KRTAP13-2: variants seen among roughly 807,000 people sequenced by gnomAD.
The protein encoded by KRTAP13-2 is keratin-associated protein 13-2.
For synonymous variants in KRTAP13-2, 92 were observed against 87.4 expected, an observed-to-expected ratio of 1.05 and a Z score of -0.30; for missense variants, 231 against 212.4, an observed-to-expected ratio of 1.09 and a Z score of -0.55.
In KRTAP13-2 at chr21:30,372,000, C is replaced by T. The variant is rs1982916444; in HGVS notation, c.214G>A (p.Glu72Lys). The change falls in exon 1 of 1, where the codon GAG (glutamate) becomes AAG (lysine). Residue 72 changes from glutamate (E) to lysine (K), a missense_variant. Coordinates refer to ENST00000399889, the MANE Select transcript of KRTAP13-2 (RefSeq NM_181621.4). Reference sequence around the variant, plus strand: ...CAGGAGGTCTGGCAGGGGCTGGACTCCACATAGGACGTCTGGCAGCTGGTG... The same window carrying T: ...CAGGAGGTCTGGCAGGGGCTGGACTTCACATAGGACGTCTGGCAGCTGGTG... Reference protein sequence around the residue: ...EPTSCQTSYVESSPCQTSCYR... With the variant: ...EPTSCQTSYVKSSPCQTSCYR... 6.2e-7 allele frequency: 1 copy of T among 1,613,862 alleles called. No homozygotes were observed. Among genetic ancestry groups the T allele is most frequent in the Non-Finnish European group, 8.5e-7 (1 of 1,179,926 alleles).
Position 30,372,049 on chromosome 21 carries a change from G to T in KRTAP13-2, c.165C>A (p.Gly55=), listed in dbSNP as rs778288236. 1 of 1,614,074 alleles carries T rather than the reference G, an allele frequency of 6.2e-7. No homozygotes were observed. Among genetic ancestry groups the T allele is most frequent in the Non-Finnish European group, 8.5e-7 (1 of 1,180,038 alleles). ...TGGGCTCCCAGCAGATCTCCTGACA[G>T]CCCCTATAGAGAGAGGAACCCAGCT... The part of the protein sequence containing the change: ...TCQLGSSLYR[G]CQEICWEPTS... Residue 55 remains glycine (G), a synonymous_variant, in exon 1 of 1, where the codon GGC becomes GGA. Coordinates refer to ENST00000399889, the MANE Select transcript of KRTAP13-2 (RefSeq NM_181621.4).
In KRTAP13-2 at chr21:30,371,710, T is replaced by C. The variant is rs758326589; in HGVS notation, c.504A>G (p.Ser168=). The change falls in exon 1 of 1, where the codon TCA becomes TCG. Residue 168 remains serine, a synonymous_variant. Coordinates refer to ENST00000399889, the MANE Select transcript of KRTAP13-2 (RefSeq NM_181621.4). ...QSPCYRPAYG[S]TFCRSTC is the part of the protein sequence containing the mutation. Reference sequence around the variant, plus strand: ...TTCAGCAAGTTGATCTGCAGAAGGTTGATCCATAGGCTGGTCTGTAACAAG... The same window carrying C: ...TTCAGCAAGTTGATCTGCAGAAGGTCGATCCATAGGCTGGTCTGTAACAAG... 1.5e-5 allele frequency: 24 copies of C among 1,614,022 alleles called. 1 individual carries two copies. In the South Asian group the frequency reaches 2.6e-4, roughly 18 times the overall value.
Position 30,371,872 on chromosome 21 carries a change from C to T in KRTAP13-2, c.342G>A (p.Ser114=), listed in dbSNP as rs143178819. 1.3e-4 allele frequency: 215 copies of T among 1,614,142 alleles called. No individual in the cohort carries two copies. Among genetic ancestry groups the T allele is most frequent in the Admixed American group, 6.3e-4 (38 of 60,018 alleles). ...CACAGCCCACTGAGTAGCAGCTCCT[C>T]GATCCATAGCCCAGGGAGCGGCAGC... is the stretch of plus-strand genomic sequence containing the variant. ...SSSCRSLGYG[S]RSCYSVGCGS... The change falls in exon 1 of 1, where the codon TCG becomes TCA. Residue 114 remains serine, a synonymous_variant. Coordinates refer to ENST00000399889, the MANE Select transcript of KRTAP13-2 (RefSeq NM_181621.4).
chr21:30,372,017 C>CA, the KRTAP13-2 span: 2 of 1,614,040 alleles, frequency 1.2e-6, no homozygotes, highest in Non-Finnish European at 1.7e-6. Flanking sequence ...GGACGTCTGG[C>CA]AGCTGGTGGG....
chr21:30,371,554 TCCAG>T lies in KRTAP13-2; in HGVS notation c.*128_*131del, dbSNP rs1486749711. ...TTCACAGTCTGAAAGAACTAGCCTG[TCCAG>T]CCAGTACTTGATGCCAGAGAAAGGA... On this transcript the variant is annotated 3_prime_UTR_variant, in exon 1 of 1. Transcript: ENST00000399889. The T allele has an allele frequency of 1.2e-6, 1 of 858,784 alleles. No homozygotes were observed. The highest frequency in any genetic ancestry group is 1.7e-5 in the African/African-American group (1 of 58,936). The allele number at this position is 858,784 out of a possible 1,614,324, so 53.2% of individuals were successfully genotyped here. A position where few individuals can be genotyped will look rare whatever the true frequency, so the allele number is the denominator to read the frequency against.
In KRTAP13-2 at chr21:30,372,220, G is replaced by A. The variant is rs758839936; in HGVS notation, c.-7C>T. On this transcript the variant is annotated 5_prime_UTR_variant, in exon 1 of 1. Coordinates refer to ENST00000399889, the MANE Select transcript of KRTAP13-2 (RefSeq NM_181621.4). ...AGCAGCAGTTGTAGGACATGTTGAC[G>A]GGAGATGTGAGTTCAGCTGAGTTAT... The A allele has an allele frequency of 1.6e-5, 26 of 1,606,898 alleles. No homozygotes were observed. The highest frequency in any genetic ancestry group is 2.2e-5 in the East Asian group (1 of 44,776).
Position 30,371,631 on chromosome 21 carries a change from T to C in KRTAP13-2, c.*55A>G. The C allele has an allele frequency of 6.5e-7, 1 of 1,531,910 alleles. No homozygotes were observed. Among genetic ancestry groups the C allele is most frequent in the Non-Finnish European group, 8.9e-7 (1 of 1,128,982 alleles). 94.9% of individuals were successfully genotyped at this position (1,531,910 alleles called of 1,614,324 possible). A position where few individuals can be genotyped will look rare whatever the true frequency, so the allele number is the denominator to read the frequency against. ...GTTAGCTCACATTGCTGGAAATGCCTATGATAACAGCTCTACGTAGAGACT... is the reference window on the plus strand; with the variant it reads ...GTTAGCTCACATTGCTGGAAATGCCCATGATAACAGCTCTACGTAGAGACT... On this transcript the variant is annotated 3_prime_UTR_variant, in exon 1 of 1. Transcript: ENST00000399889.
rs769364785 is a variant in KRTAP13-2, at chr21:30,371,610, G to A, written c.*76C>T. On this transcript the variant is annotated 3_prime_UTR_variant, in exon 1 of 1. Coordinates refer to ENST00000399889, the MANE Select transcript of KRTAP13-2 (RefSeq NM_181621.4). ...GAAGAGCTAGTAGTAAGAGGGGTTA[G>A]CTCACATTGCTGGAAATGCCTATGA... The A allele has an allele frequency of 3.2e-4, 443 of 1,399,686 alleles. No individual in the cohort carries two copies. The highest frequency in any genetic ancestry group is 7.3e-4 in the South Asian group (55 of 74,862). The allele number at this position is 1,399,686 out of a possible 1,614,324, so 86.7% of individuals were successfully genotyped here.
chr21:30,372,012 T>C lies in KRTAP13-2; in HGVS notation c.202A>G (p.Thr68Ala). 1 of 1,613,998 alleles carries C rather than the reference T, an allele frequency of 6.2e-7. No individual in the cohort carries two copies. The highest frequency in any genetic ancestry group is 8.5e-7 in the Non-Finnish European group (1 of 1,179,906). The part of the protein sequence containing the change: ...EICWEPTSCQ[T>A]SYVESSPCQT... ...CAGGGGCTGGACTCCACATAGGACG[T>C]CTGGCAGCTGGTGGGCTCCCAGCAG... The change falls in exon 1 of 1, where the codon ACG becomes GCG. Residue 68 changes from threonine to alanine, a missense_variant. Thr to Ala is a moderately conservative substitution (Grantham distance 58, BLOSUM62 0). Transcript: ENST00000399889.
rs146681464 is a variant in KRTAP13-2 at position 30,371,522 on chromosome 21, C to G, written c.*164G>C. On this transcript the variant is annotated 3_prime_UTR_variant, in exon 1 of 1. Transcript: ENST00000399889. ...CATTTGACTCTATATTTTGCTCATT[C>G]ATTAATTTCACAGTCTGAAAGAACT... 2.3e-5 allele frequency: 15 copies of G among 655,080 alleles called. No homozygotes were observed. Among genetic ancestry groups the G allele is most frequent in the Admixed American group, 1.2e-4 (4 of 33,238 alleles). The allele number at this position is 655,080 out of a possible 1,614,324, so 40.6% of individuals were successfully genotyped here. A position where few individuals can be genotyped will look rare whatever the true frequency, so the allele number is the denominator to read the frequency against.
chr21:30,372,225 A>G lies in KRTAP13-2; in HGVS notation c.-12T>C, dbSNP rs1026651105. On this transcript the variant is annotated 5_prime_UTR_variant, in exon 1 of 1. Transcript: ENST00000399889. ...CAGTTGTAGGACATGTTGACGGGAG[A>G]TGTGAGTTCAGCTGAGTTATAGTGG... 2.5e-6 allele frequency: 4 copies of G among 1,604,644 alleles called. No homozygotes were observed. Among genetic ancestry groups the G allele is most frequent in the Admixed American group, 3.4e-5 (2 of 59,512 alleles).
At position 30,372,238 on chromosome 21, in the gene KRTAP13-2, T is replaced by C. The variant is rs1437779689; in HGVS notation, c.-25A>G. 1.9e-6 allele frequency: 3 copies of C among 1,590,718 alleles called. No individual in the cohort carries two copies. In the Admixed American group the frequency reaches 5.1e-5, roughly 27 times the overall value. ...TGTTGACGGGAGATGTGAGTTCAGC[T>C]GAGTTATAGTGGAAAGATTCTCTGA... On this transcript the variant is annotated 5_prime_UTR_variant, in exon 1 of 1. Coordinates refer to ENST00000399889, the MANE Select transcript of KRTAP13-2 (RefSeq NM_181621.4).
Position 30,371,788 on chromosome 21 carries a change from A to G in KRTAP13-2, c.426T>C (p.Tyr142=), listed in dbSNP as rs781040187. 1 of 1,614,098 alleles carries G rather than the reference A, an allele frequency of 6.2e-7. No homozygotes were observed. The highest frequency in any genetic ancestry group is 2.2e-5 in the East Asian group (1 of 44,864). The change falls in exon 1 of 1, where the codon TAT becomes TAC. Residue 142 remains tyrosine (Y), a synonymous_variant. Transcript: ENST00000399889. ...AGGTTGGGCGGCAGAATCCAGATCC[A>G]TAGCCGAGGGAAGGGAAGCCACAGC... ...YGSCGFPSLG[Y]GSGFCRPTYL...
In KRTAP13-2 at chr21:30,372,162, A is replaced by T; in HGVS notation, c.52T>A (p.Tyr18Asn). Residue 18 changes from tyrosine to asparagine, a missense_variant, in exon 1 of 1, where the codon TAC becomes AAC. Coordinates refer to ENST00000399889, the MANE Select transcript of KRTAP13-2 (RefSeq NM_181621.4). ...CGTGAGGATGCTGGGTAGCGCAGGT[A>T]GTCACCACAGGAGCGGGAGGAGAAG... Reference protein sequence around the residue: ...GNFSSRSCGDYLRYPASSRGF... With the variant: ...GNFSSRSCGDNLRYPASSRGF... 1 of 1,614,158 alleles carries T rather than the reference A, an allele frequency of 6.2e-7. No homozygotes were observed. The highest frequency in any genetic ancestry group is 1.3e-5 in the African/African-American group (1 of 75,052).
rs199899277 is a variant in KRTAP13-2, at chr21:30,371,892, G to T, written c.322C>A (p.Arg108Ser). ...GSLGFGSSSC[R>S]SLGYGSRSCY... ...CTCCTCGATCCATAGCCCAGGGAGCGGCAGCTGCTGGATCCAAAGCCTAGA... is the reference window on the plus strand; with the variant it reads ...CTCCTCGATCCATAGCCCAGGGAGCTGCAGCTGCTGGATCCAAAGCCTAGA... Residue 108 changes from arginine to serine, a missense_variant, in exon 1 of 1, where the codon CGC becomes AGC. Arg to Ser is a moderately radical substitution (Grantham distance 110). Coordinates refer to ENST00000399889, the MANE Select transcript of KRTAP13-2 (RefSeq NM_181621.4). The T allele has an allele frequency of 1.9e-6, 3 of 1,614,058 alleles. No homozygotes were observed. Among genetic ancestry groups the T allele is most frequent in the Non-Finnish European group, 1.7e-6 (2 of 1,180,042 alleles).
At position 30,371,446 on chromosome 21, in the gene KRTAP13-2, T is replaced by A; in HGVS notation, c.*240A>T. On this transcript the variant is annotated 3_prime_UTR_variant, in exon 1 of 1. Transcript: ENST00000399889. Reference sequence around the variant, plus strand: ...GAAACAAAACTGAACTTCCATATACTTTATAAGATGAACTTACGTGATAAC... The same window carrying A: ...GAAACAAAACTGAACTTCCATATACATTATAAGATGAACTTACGTGATAAC... 1 of 490,720 alleles carries A rather than the reference T, an allele frequency of 2.0e-6. No homozygotes were observed. Among genetic ancestry groups the A allele is most frequent in the Non-Finnish European group, 3.6e-6 (1 of 275,108 alleles). The allele number at this position is 490,720 out of a possible 1,614,324, so 30.4% of individuals were successfully genotyped here. A position where few individuals can be genotyped will look rare whatever the true frequency, so the allele number is the denominator to read the frequency against.
In KRTAP13-2 at chr21:30,372,141, A is replaced by G; in HGVS notation, c.73T>C (p.Ser25Pro). 6.2e-7 allele frequency: 1 copy of G among 1,614,198 alleles called. No individual in the cohort carries two copies. The highest frequency in any genetic ancestry group is 1.1e-5 in the South Asian group (1 of 91,088). Residue 25 changes from serine to proline, a missense_variant, in exon 1 of 1, where the codon TCA becomes CCA. Ser to Pro is a moderately conservative substitution (Grantham distance 74). Coordinates refer to ENST00000399889, the MANE Select transcript of KRTAP13-2 (RefSeq NM_181621.4). ...TTGCTGGGGTAGGAAAAGCCACGTG[A>G]GGATGCTGGGTAGCGCAGGTAGTCA... ...CGDYLRYPAS[S>P]RGFSYPSNLV...
chr21:30,371,414 A>G lies in KRTAP13-2; in HGVS notation c.*272T>C. ...ATTGGAATCAACAGTAAATGAATTT[A>G]TTACGTGAAACAAAACTGAACTTCC... On this transcript the variant is annotated 3_prime_UTR_variant, in exon 1 of 1. Coordinates refer to ENST00000399889, the MANE Select transcript of KRTAP13-2 (RefSeq NM_181621.4). 1 of 361,206 alleles carries G rather than the reference A, an allele frequency of 2.8e-6. No individual in the cohort carries two copies. Among genetic ancestry groups the G allele is most frequent in the South Asian group, 4.7e-5 (1 of 21,438 alleles). 22.4% of individuals were successfully genotyped at this position (361,206 alleles called of 1,614,324 possible). A position where few individuals can be genotyped will look rare whatever the true frequency, so the allele number is the denominator to read the frequency against.
Position 30,371,726 on chromosome 21 carries a change from C to G in KRTAP13-2, c.488G>C (p.Arg163Thr). The G allele has an allele frequency of 6.2e-7, 1 of 1,614,126 alleles. No homozygotes were observed. The highest frequency in any genetic ancestry group is 1.3e-5 in the African/African-American group (1 of 75,038). ...ASRSCQSPCY[R>T]PAYGSTFCRS... ...GCAGAAGGTTGATCCATAGGCTGGT[C>G]TGTAACAAGGAGACTGGCAGCTCCT... The change falls in exon 1 of 1, where the codon AGA becomes ACA. Residue 163 changes from arginine (R) to threonine (T), a missense_variant. By Grantham distance (71) the Arg-to-Thr change is moderately conservative. Transcript: ENST00000399889.
Sources: allele counts gnomAD v4.1 joint callset, GRCh38; gene constraint gnomAD v4.1.1; transcripts MANE v1.5; gene names NCBI Gene and HGNC (gene_info 2026-07-23, HGNC 2026-07-21).